MEIS2: variants seen among roughly 807,000 people sequenced by gnomAD.
MEIS2 encodes the protein homeobox protein Meis2.
MEIS2 carries 9 observed loss-of-function variants against 58.6 expected under a neutral mutation model. The ratio of observed to expected loss-of-function variants is 0.15; its 90% CI spans 0.09 to 0.27. MEIS2 has a LOEUF of 0.27. MEIS2 is among the 10% of genes least tolerant of loss of function. The probability of loss-of-function intolerance (pLI) is 1.00; values close to 1 mark genes in which losing one functional copy is unlikely to be tolerated. For synonymous variants in MEIS2, 221 were observed against 228.4 expected (o/e 0.97, Z 0.29); for missense variants, 427 against 635.0 (o/e 0.67, Z 3.52).
chr15:37,066,420 T>G (rs1052287349), intron 7 of MEIS2: 9 of 152,092 alleles, frequency 5.9e-5, no homozygotes, highest in African/African-American at 2.2e-4. Context: ...AACAAGAAAA[T>G]TTTAAATGGC....
intron 7 of MEIS2, among the ~76,000 whole-genome samples, chr15:37,056,317 G>T (rs1888393614): frequency 6.6e-6 from 1 of 152,162 alleles, no homozygotes; most frequent in Non-Finnish European, 1.5e-5. Context: ...AATACATGGT[G>T]TTAAAATGGG....
At chr15:37,081,875 C>A (rs1462075116) in intron 7 of MEIS2, among the ~76,000 whole-genome samples, 2 of 152,112 alleles carry the variant, frequency 1.3e-5, no homozygotes, top group Non-Finnish European at 2.9e-5. Context: ...ATTGTTTTTA[C>A]CTATATATCA....
intron 9 of MEIS2, among the ~76,000 whole-genome samples, chr15:36,913,049 G>C (rs181298801): frequency 1.2e-3 from 177 of 152,142 alleles, no homozygotes; most frequent in Non-Finnish European, 2.3e-3. Flanking sequence ...TACCATATAT[G>C]GACATACAAA....
chr15:36,895,217 G>A lies in MEIS2; in HGVS notation c.1081C>T (p.Pro361Ser). ...AAGCTCCCCATGGGCTGACCCTCTG[G>A]ACTATATGCTGCTCCTTGGCTCACT... ...PSVSQGAAYS[P>S]EGQPMGSFVL... Residue 361 changes from proline to serine, a missense_variant, in exon 11 of 12, where the codon CCA becomes TCA. Coordinates refer to ENST00000561208, the MANE Select transcript of MEIS2 (RefSeq NM_170675.5). The A allele has an allele frequency of 6.2e-7, 1 of 1,614,146 alleles. No individual in the cohort carries two copies. Among genetic ancestry groups the A allele is most frequent in the South Asian group, 1.1e-5 (1 of 91,084 alleles).
intron 8 of MEIS2, among the ~76,000 whole-genome samples, chr15:36,980,563 T>C (rs1159604681): frequency 6.6e-6 from 1 of 152,148 alleles, no homozygotes; most frequent in Admixed American, 6.5e-5. Flanking sequence ...GCCCCCATGA[T>C]TCAATTACTT....
chr15:37,021,473 C>T (rs1382509308), intron 8 of MEIS2, among the ~76,000 whole-genome samples: 1 of 152,232 alleles, frequency 6.6e-6, no homozygotes, highest in Non-Finnish European at 1.5e-5. Flanking sequence ...TGACAAAGGC[C>T]TGTCTAATAT....
chr15:37,055,748 T>C (rs1888313562), intron 7 of MEIS2, among the ~76,000 whole-genome samples: 1 of 152,204 alleles, frequency 6.6e-6, no homozygotes, highest in Non-Finnish European at 1.5e-5. Flanking sequence ...AGGTTTGTAA[T>C]GCAACAACTC....
intron 8 of MEIS2, among the ~76,000 whole-genome samples, chr15:37,022,701 G>A (rs571834837): frequency 5.9e-5 from 9 of 152,118 alleles, no homozygotes; most frequent in South Asian, 4.2e-4. Context: ...GTGCAGTGGC[G>A]CAAGCTCAGC....
chr15:36,977,454 T>C (rs887780325), intron 8 of MEIS2, among the ~76,000 whole-genome samples: 1 of 152,124 alleles, frequency 6.6e-6, no homozygotes, highest in Admixed American at 6.5e-5. Flanking sequence ...GAGAATCAAG[T>C]TCAAGCTCCC....
intron 7 of MEIS2, among the ~76,000 whole-genome samples, chr15:37,061,088 T>C (rs1037664304): frequency 6.6e-6 from 1 of 151,932 alleles, no homozygotes; most frequent in African/African-American, 2.4e-5. Context: ...TCTTAGGGGG[T>C]GCGGCTACCC....
intron 7 of MEIS2, among the ~76,000 whole-genome samples, chr15:37,040,487 A>G (rs1458281267): frequency 6.6e-6 from 1 of 152,176 alleles, no homozygotes; most frequent in Non-Finnish European, 1.5e-5. Flanking sequence ...ACGTATGTGC[A>G]CACAGTAACT....
intron 9 of MEIS2, among the ~76,000 whole-genome samples, chr15:36,907,907 A>T (rs775716060): frequency 7.2e-6 from 1 of 138,484 alleles, no homozygotes; most frequent in Non-Finnish European, 1.5e-5. Flanking sequence ...TTATACTGGC[A>T]TCTAGTAAAG....
At chr15:36,927,182 A>G (rs2057781515) in intron 9 of MEIS2, among the ~76,000 whole-genome samples, 2 of 152,184 alleles carry the variant, frequency 1.3e-5, no homozygotes, top group Admixed American at 1.3e-4. Flanking sequence ...AGCAGCCAAA[A>G]GATTTGCAAG....
chr15:37,027,375 A>C (rs573697447), intron 8 of MEIS2, among the ~76,000 whole-genome samples: 1 of 152,310 alleles, frequency 6.6e-6, no homozygotes, highest in Non-Finnish European at 1.5e-5. Context: ...CTCATAACCC[A>C]GTCAACTTAC....
At chr15:36,993,171 A>G (rs1480958019) in intron 8 of MEIS2, among the ~76,000 whole-genome samples, 1 of 152,110 alleles carries the variant, frequency 6.6e-6, no homozygotes, top group African/African-American at 2.4e-5. Flanking sequence ...GAGGTAAGTG[A>G]ATTATTACCT....
chr15:36,889,287 T>C lies in MEIS2; in HGVS notation c.*2886A>G, dbSNP rs1419143761. ...TTGTCAAAACACCATTCCCAGTTTCTTTGCTTTTGACAGCTGAGTCTTTCT... is the reference window on the plus strand; with the variant it reads ...TTGTCAAAACACCATTCCCAGTTTCCTTGCTTTTGACAGCTGAGTCTTTCT... On this transcript the variant is annotated 3_prime_UTR_variant, in exon 12 of 12. Coordinates refer to ENST00000561208, the MANE Select transcript of MEIS2 (RefSeq NM_170675.5). 6.6e-6 allele frequency: 1 copy of C among 152,222 alleles called. No homozygotes were observed. The highest frequency in any genetic ancestry group is 1.5e-5 in the Non-Finnish European group (1 of 68,040). 9.4% of individuals were successfully genotyped at this position (152,222 alleles called of 1,614,324 possible).
At chr15:36,902,327 G>A (rs1012309368) in intron 9 of MEIS2, among the ~76,000 whole-genome samples, 7 of 152,262 alleles carry the variant, frequency 4.6e-5, no homozygotes, top group South Asian at 4.1e-4. Context: ...TCATATCGCC[G>A]GATCTTTCTA....
At chr15:37,074,200 A>C (rs976193079) in intron 7 of MEIS2, among the ~76,000 whole-genome samples, 1 of 151,992 alleles carries the variant, frequency 6.6e-6, no homozygotes. Flanking sequence ...ATTTTAGCAG[A>C]TAGAACAGTC....
intron 7 of MEIS2, among the ~76,000 whole-genome samples, chr15:37,076,220 C>T (rs1267940432): frequency 6.6e-6 from 1 of 151,846 alleles, no homozygotes; most frequent in Non-Finnish European, 1.5e-5. Context: ...AGCAATAAGA[C>T]TTTCAACAAA....
Sources: allele counts gnomAD v4.1 joint callset (sites outside exome capture counted in the v4.1 genomes callset), GRCh38; gene constraint gnomAD v4.1.1; transcripts MANE v1.5; gene names NCBI Gene and HGNC (gene_info 2026-07-23, HGNC 2026-07-21).